TLN2: variants seen among roughly 807,000 people sequenced by gnomAD.
TLN2 encodes talin-2.
Under a neutral mutation model 294.7 loss-of-function variants are expected in TLN2, and 118 were observed. The observed-to-expected ratio is 0.40, with a 90% CI of 0.34 to 0.47. The LOEUF is 0.47. Ranked by LOEUF, TLN2 falls within the 20% of genes least tolerant of loss-of-function variation. The probability of loss-of-function intolerance (pLI) is 0.84; values close to 1 mark genes in which losing one functional copy is unlikely to be tolerated. For synonymous variants in TLN2, 1,431 were observed against 1,304.5 expected (o/e 1.10, Z -2.09); for missense variants, 3,083 against 3,282.2 (o/e 0.94, Z 1.48).
chr15:62,836,163 C>T, intron 57 of TLN2, 90 bp downstream of exon 57: 2 of 1,508,730 alleles, frequency 1.3e-6, no homozygotes, highest in Non-Finnish European at 1.8e-6. Flanking sequence ...TTGGCATGAC[C>T]CACCAGGCCT....
At chr15:62,819,778 GTTAAC>G (rs2067410315) in intron 53 of TLN2, among the ~76,000 whole-genome samples, 157 bp downstream of exon 53, 3 of 152,344 alleles carry the variant, frequency 2.0e-5, no homozygotes, top group Admixed American at 2.0e-4. Flanking sequence ...TGGGTTTAGA[GTTAAC>G]TTGAAAAAGA....
At chr15:62,593,617 T>G (rs747237821) in intron 2 of TLN2, among the ~76,000 whole-genome samples, 1 of 152,236 alleles carries the variant, frequency 6.6e-6, no homozygotes, top group African/African-American at 2.4e-5. Context: ...TTATCTGCAA[T>G]TGAGTATTTT....
intron 1 of TLN2, among the ~76,000 whole-genome samples, chr15:62,576,263 CAAA>C (rs35869276): frequency 0.95 from 143,499 of 150,526 alleles, 68,648 homozygotes; most frequent in East Asian, 1. Context: ...GACCCCGTCT[CAAA>C]AAAAAAAAAA....
intron 43 of TLN2, 65 bp from the exon 44 acceptor site, chr15:62,781,075 G>C: frequency 7.9e-7 from 1 of 1,264,028 alleles, no homozygotes; most frequent in Non-Finnish European, 1.1e-6. Context: ...CCTAATTCTC[G>C]TAAATACAGT....
intron 1 of TLN2, among the ~76,000 whole-genome samples, chr15:62,399,096 C>T (rs1365560464): frequency 6.6e-6 from 1 of 151,752 alleles, no homozygotes; most frequent in African/African-American, 2.4e-5. Flanking sequence ...GATGCAAGCC[C>T]CAAGCCGTGG....
At chr15:62,540,356 C>CT (rs11071674) in intron 1 of TLN2, among the ~76,000 whole-genome samples, 86,493 of 138,316 alleles carry the variant, frequency 0.63, 27,141 homozygotes, top group Middle Eastern at 0.71. Context: ...AATAAATAAA[C>CT]TTTTTTTTTT....
chr15:62,717,528 A>T, intron 23 of TLN2, 48 bp from the exon 24 acceptor site: 1 of 1,309,214 alleles, frequency 7.6e-7, no homozygotes, highest in Non-Finnish European at 1.0e-6. Context: ...TAGAACATGC[A>T]TGTATATTGC....
intron 37 of TLN2, among the ~76,000 whole-genome samples, chr15:62,758,834 T>TA (rs2062474342): frequency 6.6e-6 from 1 of 152,172 alleles, no homozygotes; most frequent in Non-Finnish European, 1.5e-5. Context: ...TGCCAGTGAG[T>TA]AGCAAGGTGA....
rs998086379 is a variant in TLN2 at position 62,445,225 on chromosome 15, C to T, written c.-238+54540C>T. ...GGCCTTCAGAGCAGTCGTTCTTATC[C>T]CTGCCAGTGGATAGGAATCACCTGT... On this transcript the variant is annotated intron_variant, in intron 1 of 58. Transcript: ENST00000636159. Among the ~76,000 whole-genome samples, 48 of 152,290 alleles carry T rather than the reference C, an allele frequency of 3.2e-4. 1 individual carries two copies. The highest frequency in any genetic ancestry group is 8.3e-4 in the South Asian group (4 of 4,822).
chr15:62,476,318 T>C (rs1421721392), intron 1 of TLN2: 2 of 152,322 alleles, frequency 1.3e-5, no homozygotes, highest in Non-Finnish European at 2.9e-5. Context: ...TTGTGTCTTC[T>C]CTGCCAGTGC....
At chr15:62,824,010 A>G (rs1311298147) in intron 54 of TLN2, 5 of 530,382 alleles carry the variant, frequency 9.4e-6, no homozygotes, top group East Asian at 1.1e-4. Flanking sequence ...TAATCCAACT[A>G]TATATCAAAC....
chr15:62,812,250 G>A (rs143078849), intron 52 of TLN2, among the ~76,000 whole-genome samples: 2,286 of 152,136 alleles, frequency 0.015, 41 homozygotes, highest in Non-Finnish European at 0.02. Context: ...AGGGATCCTC[G>A]TATTTCCATT....
intron 19 of TLN2, among the ~76,000 whole-genome samples, chr15:62,703,601 C>T (rs562515883): frequency 2.2e-5 from 3 of 134,556 alleles, no homozygotes; most frequent in Middle Eastern, 3.8e-3. Context: ...ATGTTTACTT[C>T]GACACACACA....
rs545920701 is a variant in TLN2, at chr15:62,447,640, C to T, written c.-238+56955C>T. 1.1e-3 allele frequency among the ~76,000 whole-genome samples: 164 copies of T among 152,030 alleles called. 5 individuals are homozygous for T. In the Middle Eastern group the frequency reaches 0.024, roughly 22 times the overall value. ...TCCTGAGTAGCTGGGACTGTGGGCA[C>T]CCGCCACCACGCCCGGCTAATTTTT... is the stretch of plus-strand genomic sequence containing the variant. On this transcript the variant is annotated intron_variant, in intron 1 of 58. Coordinates refer to ENST00000636159, the MANE Select transcript of TLN2 (RefSeq NM_015059.3).
At chr15:62,657,952 T>C (rs1049154935) in intron 9 of TLN2, 54 bp downstream of exon 9, 2 of 1,541,964 alleles carry the variant, frequency 1.3e-6, no homozygotes, top group Admixed American at 3.8e-5. Flanking sequence ...TCTTTCTCTT[T>C]CAGCTTTTTA....
At chr15:62,477,015 TCATC>T (rs2037818201) in intron 1 of TLN2, among the ~76,000 whole-genome samples, 1 of 152,214 alleles carries the variant, frequency 6.6e-6, no homozygotes, top group South Asian at 2.1e-4. Flanking sequence ...GACTGCCTAT[TCATC>T]CATTCATTCA....
chr15:62,586,611 G>C (rs909224519), intron 1 of TLN2, among the ~76,000 whole-genome samples: 2 of 152,164 alleles, frequency 1.3e-5, no homozygotes, highest in African/African-American at 4.8e-5. Flanking sequence ...ATACATTTCT[G>C]TATTTTATAA....
chr15:62,676,640 A>T (rs2056231001), intron 11 of TLN2, among the ~76,000 whole-genome samples: 1 of 152,186 alleles, frequency 6.6e-6, no homozygotes, highest in Non-Finnish European at 1.5e-5. Context: ...TTGGAGACGG[A>T]GTCTCACTCT....
At chr15:62,590,820 T>C (rs2046018428) in intron 2 of TLN2, among the ~76,000 whole-genome samples, 1 of 152,170 alleles carries the variant, frequency 6.6e-6, no homozygotes, top group Admixed American at 6.5e-5. Context: ...CACACCCAGA[T>C]GTATCAGTTC....
Sources: gnomAD v4.1 joint callset for allele counts (sites outside exome capture counted in the v4.1 genomes callset) on GRCh38, gnomAD v4.1.1 for gene constraint, MANE v1.5 for transcripts, NCBI Gene and HGNC (gene_info 2026-07-23, HGNC 2026-07-21) for gene names.